Variants in TRAPPC9 observed in about 807,000 individuals in gnomAD.
TRAPPC9 encodes IKK2 binding protein.
Under a neutral mutation model 124.0 loss-of-function variants are expected in TRAPPC9, and 83 were observed. That is an observed-to-expected ratio of 0.67 (90% confidence interval 0.56 to 0.80). TRAPPC9 has a LOEUF of 0.80. Ranked by LOEUF, TRAPPC9 falls within the 30% of genes least tolerant of loss-of-function variation. The probability of loss-of-function intolerance (pLI) is 0.00; values close to 1 mark genes in which losing one functional copy is unlikely to be tolerated. For synonymous variants in TRAPPC9, 638 were observed against 617.5 expected (o/e 1.03, Z -0.49); for missense variants, 1,302 against 1,508.3 (o/e 0.86, Z 2.27).
chr8:140,367,728 T>C (rs2068161855), intron 8 of TRAPPC9, among the ~76,000 whole-genome samples: 1 of 152,026 alleles, frequency 6.6e-6, no homozygotes, highest in Non-Finnish European at 1.5e-5. Context: ...AACTACGAAC[T>C]TTGGGTGATG....
At chr8:140,448,777 G>A (rs1195023683) in intron 2 of TRAPPC9, among the ~76,000 whole-genome samples, 3 of 152,224 alleles carry the variant, frequency 2.0e-5, no homozygotes, top group Non-Finnish European at 4.4e-5. Context: ...CGCTATTCAC[G>A]AGGCACAGGA....
At chr8:140,289,405 C>T (rs2131749181) in intron 12 of TRAPPC9, among the ~76,000 whole-genome samples, 1 of 152,176 alleles carries the variant, frequency 6.6e-6, no homozygotes. Flanking sequence ...TGTCTCTAGG[C>T]AAATATATTG....
At chr8:140,443,366 G>A (rs1260412068) in intron 2 of TRAPPC9, among the ~76,000 whole-genome samples, 9 of 151,662 alleles carry the variant, frequency 5.9e-5, no homozygotes, top group African/African-American at 2.2e-4. Flanking sequence ...AACCCGGGAG[G>A]CGGAGCTTGC....
In TRAPPC9 at chr8:140,063,769, T is replaced by C. The variant is rs2129658436; in HGVS notation, c.2557-39690A>G. ...TTAAGAGCGGGACTTGCGGGCGGGGTATGCATCAAATTTCTCCGAGTGTCT... is the reference window on the plus strand; with the variant it reads ...TTAAGAGCGGGACTTGCGGGCGGGGCATGCATCAAATTTCTCCGAGTGTCT... On this transcript the variant is annotated intron_variant, in intron 17 of 22. Transcript: ENST00000438773. The surrounding 1 kb of genome is among the most constrained non-coding windows in gnomAD (Gnocchi z 4.3). Among the ~76,000 whole-genome samples, 1 of 152,158 alleles carries C rather than the reference T, an allele frequency of 6.6e-6. No individual in the cohort carries two copies. The highest frequency in any genetic ancestry group is 1.9e-4 in the East Asian group (1 of 5,178).
intron 15 of TRAPPC9, among the ~76,000 whole-genome samples, chr8:140,274,550 G>T (rs959298755): frequency 4.7e-4 from 72 of 152,214 alleles, no homozygotes; most frequent in African/African-American, 1.7e-3. Flanking sequence ...ATCAGTGGAA[G>T]AAATATGGGA....
chr8:139,935,172 T>C lies in TRAPPC9; in HGVS notation c.2811-24872A>G, dbSNP rs186434610. Among the ~76,000 whole-genome samples, 33 of 152,330 alleles carry C rather than the reference T, an allele frequency of 2.2e-4. No individual in the cohort carries two copies. In the East Asian group the frequency reaches 6.0e-3, roughly 28 times the overall value. On this transcript the variant is annotated intron_variant, in intron 19 of 22. Coordinates refer to ENST00000438773, the MANE Select transcript of TRAPPC9 (RefSeq NM_001160372.4). ...TGGTGAATGAAAGCCTACTGATGTC[T>C]GCGTGCAGGACCTTCTGTCCTAGAA...
chr8:140,042,565 G>C, intron 17 of TRAPPC9, among the ~76,000 whole-genome samples: 1 of 152,306 alleles, frequency 6.6e-6, no homozygotes, highest in Non-Finnish European at 1.5e-5. Flanking sequence ...AGGTCCCAGA[G>C]TTTACCCCAG....
At chr8:140,360,650 G>A (rs1588214604) in intron 8 of TRAPPC9, among the ~76,000 whole-genome samples, 6 of 149,192 alleles carry the variant, frequency 4.0e-5, no homozygotes, top group Admixed American at 4.0e-4. Flanking sequence ...AAAAAAAAAA[G>A]TTAAATTCTA....
At chr8:140,303,657 T>C (rs767890873) in intron 10 of TRAPPC9, among the ~76,000 whole-genome samples, 22 of 152,226 alleles carry the variant, frequency 1.4e-4, no homozygotes, top group Admixed American at 3.3e-4. Context: ...ACTCAACAAA[T>C]ATTTTATTAA....
chr8:140,128,975 ATATATATATATAC>A (rs1563783021), intron 17 of TRAPPC9, among the ~76,000 whole-genome samples: 5 of 135,094 alleles, frequency 3.7e-5, no homozygotes, highest in African/African-American at 1.1e-4. Context: ...ATAATAAAAT[ATATATATATATAC>A]ATATATATAT....
intron 21 of TRAPPC9, among the ~76,000 whole-genome samples, chr8:139,809,489 G>T (rs1159695884): frequency 5.9e-5 from 9 of 152,196 alleles, no homozygotes; most frequent in Non-Finnish European, 1.2e-4. Flanking sequence ...ACGACAGCCG[G>T]GTGTAAATCT....
In TRAPPC9 at chr8:140,007,369, G is replaced by A. The variant is rs552256618; in HGVS notation, c.2699+16568C>T. ...CATTTGTAAGGCCTCAAAATACAAC[G>A]TTTAAAATATAACATATAATGATGA... On this transcript the variant is annotated intron_variant, in intron 18 of 22. Transcript: ENST00000438773. Among the ~76,000 whole-genome samples, 184 of 152,224 alleles carry A rather than the reference G, an allele frequency of 1.2e-3. 1 individual carries two copies. Among genetic ancestry groups the A allele is most frequent in the Non-Finnish European group, 2.0e-3 (136 of 68,014 alleles).
At position 139,729,648 on chromosome 8, in the gene TRAPPC9, G is replaced by A. The variant is rs953829415; in HGVS notation, c.*1413C>T. On this transcript the variant is annotated 3_prime_UTR_variant, in exon 23 of 23. Coordinates refer to ENST00000438773, the MANE Select transcript of TRAPPC9 (RefSeq NM_001160372.4). ...GATGGAACAAAAAATTTGTTCCTTA[G>A]GCCGGAGGCCACAGGGTGACCTTGC... Among the ~76,000 whole-genome samples, 1 of 152,212 alleles carries A rather than the reference G, an allele frequency of 6.6e-6. No individual in the cohort carries two copies. The highest frequency in any genetic ancestry group is 1.5e-5 in the Non-Finnish European group (1 of 68,036).
At chr8:139,850,051 CAA>C (rs1242338224) in intron 21 of TRAPPC9, among the ~76,000 whole-genome samples, 1 of 152,178 alleles carries the variant, frequency 6.6e-6, no homozygotes, top group Non-Finnish European at 1.5e-5. Context: ...CACTTGAGCC[CAA>C]CCCTGCATCT....
In TRAPPC9 at chr8:139,952,771, G is replaced by A. The variant is rs147152067; in HGVS notation, c.2810+35955C>T. Among the ~76,000 whole-genome samples, 559 of 152,334 alleles carry A rather than the reference G, an allele frequency of 3.7e-3. 4 individuals carry two copies. The highest frequency in any genetic ancestry group is 0.013 in the African/African-American group (532 of 41,564). ...GGGTGGTGGCAGCAGTGACAGTGTC[G>A]ATGCTGTTCTCTACTGAGCACTTCC... On this transcript the variant is annotated intron_variant, in intron 19 of 22. Coordinates refer to ENST00000438773, the MANE Select transcript of TRAPPC9 (RefSeq NM_001160372.4).
At chr8:140,095,500 A>AG (rs1439375340) in intron 17 of TRAPPC9, 1 of 152,178 alleles carries the variant, frequency 6.6e-6, no homozygotes, top group African/African-American at 2.4e-5. Flanking sequence ...GCAAGTGGAG[A>AG]GGGAGGCTGC....
At chr8:140,025,705 G>A (rs1019600241) in intron 17 of TRAPPC9, among the ~76,000 whole-genome samples, 1 of 152,100 alleles carries the variant, frequency 6.6e-6, no homozygotes, top group Non-Finnish European at 1.5e-5. Flanking sequence ...ACAAGAAGTC[G>A]CTCATTAAAT....
chr8:140,380,475 G>A (rs1409806531), intron 7 of TRAPPC9, among the ~76,000 whole-genome samples: 1 of 151,862 alleles, frequency 6.6e-6, no homozygotes, highest in African/African-American at 2.4e-5. Context: ...CCAACACAGT[G>A]AAACCCTGTC....
chr8:140,070,720 C>T (rs529395907), intron 17 of TRAPPC9, among the ~76,000 whole-genome samples: 4 of 152,218 alleles, frequency 2.6e-5, no homozygotes, highest in African/African-American at 4.8e-5. Context: ...GCATTTCACA[C>T]CAGCAGGGCT....
Sources: gnomAD v4.1 joint callset for allele counts (sites outside exome capture counted in the v4.1 genomes callset) on GRCh38, gnomAD v4.1.1 for gene constraint, Gnocchi (gnomAD v3.1) non-coding constraint, MANE v1.5 for transcripts, NCBI Gene and HGNC (gene_info 2026-07-23, HGNC 2026-07-21) for gene names.